HHIPL1: variants seen among roughly 807,000 people sequenced by gnomAD.
HHIPL1 encodes HHIP like 1, also known as HHIP-like protein 1.
Under a neutral mutation model 61.8 loss-of-function variants are expected in HHIPL1, and 43 were observed. That is an observed-to-expected ratio of 0.70 (90% CI 0.55 to 0.90). The LOEUF (loss-of-function observed/expected upper bound fraction) is 0.90. HHIPL1 is among the 40% of genes least tolerant of loss of function. The pLI is 0.00. For synonymous variants in HHIPL1, 482 were observed against 515.8 expected, an observed-to-expected ratio of 0.93 and a Z score of 0.89; for missense variants, 1,056 against 1,157.7, an observed-to-expected ratio of 0.91 and a Z score of 1.28.
intron 1 of HHIPL1, among the ~76,000 whole-genome samples, chr14:99,651,522 A>T (rs992447267): frequency 1.3e-5 from 2 of 152,194 alleles, no homozygotes; most frequent in African/African-American, 4.8e-5. Flanking sequence ...GCTCTACAGT[A>T]CCAAGGGGAG....
At position 99,675,451 on chromosome 14, in the gene HHIPL1, T is replaced by C. The variant is rs2056378999; in HGVS notation, c.2174T>C (p.Val725Ala). The C allele has an allele frequency of 6.5e-6, 10 of 1,539,026 alleles. No individual in the cohort carries two copies. Among genetic ancestry groups the C allele is most frequent in the Non-Finnish European group, 8.7e-6 (10 of 1,145,908 alleles). Reference protein sequence around the residue: ...QLGFAYAVRAVKRAEFGQGGS... With the variant: ...QLGFAYAVRAAKRAEFGQGGS... ...GGGTTTGCCTACGCCGTGCGCGCCG[T>C]CAAGAGAGCCGAGTTCGGCCAGGGC... The change falls in exon 9 of 9, where the codon GTC becomes GCC. Residue 725 changes from valine (V) to alanine (A), a missense_variant. Transcript: ENST00000330710. This position sits in a 1 kb window ranked among gnomAD's most constrained non-coding sequence, Gnocchi z 5.4.
intron 1 of HHIPL1, 86 bp downstream of exon 1, chr14:99,645,548 C>A: frequency 8.3e-7 from 1 of 1,210,606 alleles, no homozygotes; most frequent in Non-Finnish European, 1.0e-6. Context: ...GGGGCGAGGG[C>A]CAAGAGTGGG....
At position 99,657,012 on chromosome 14, in the gene HHIPL1, G is replaced by A. The variant is rs2056057420; in HGVS notation, c.915G>A (p.Glu305=). ...VDHSSERIIL[E]VKEPASNHNG... ...TATCTTCCTTTAGGATAATCCTGGAGGTCAAAGAACCAGCCTCAAACCACA... is the reference window on the plus strand; with the variant it reads ...TATCTTCCTTTAGGATAATCCTGGAAGTCAAAGAACCAGCCTCAAACCACA... The change falls in exon 3 of 9, where the codon GAG becomes GAA. Residue 305 remains glutamate, a synonymous_variant. Transcript: ENST00000330710. 1.2e-6 allele frequency: 2 copies of A among 1,610,662 alleles called. No individual in the cohort carries two copies. The highest frequency in any genetic ancestry group is 2.7e-5 in the African/African-American group (2 of 74,834).
chr14:99,646,382 G>A (rs1434197851), intron 1 of HHIPL1, among the ~76,000 whole-genome samples: 1 of 152,264 alleles, frequency 6.6e-6, no homozygotes, highest in Admixed American at 6.5e-5. Flanking sequence ...GGTGGTGTGG[G>A]GAAGGGCAAG....
At chr14:99,633,849 C>T in the HHIPL1 span, among the ~76,000 whole-genome samples, 1 of 152,228 alleles carries the variant, frequency 6.6e-6, no homozygotes, top group Non-Finnish European at 1.5e-5. Flanking sequence ...GGGTTTAAAA[C>T]AGGCATTCTG....
chr14:99,673,221 G>C (rs2056344490), intron 8 of HHIPL1, among the ~76,000 whole-genome samples: 1 of 152,016 alleles, frequency 6.6e-6, no homozygotes, highest in South Asian at 2.1e-4. Context: ...GAGGTACCCG[G>C]GTAGAGGGGG....
the HHIPL1 span, among the ~76,000 whole-genome samples, chr14:99,632,723 G>A: frequency 1.4e-4 from 21 of 152,116 alleles, no homozygotes; most frequent in Admixed American, 5.2e-4. Context: ...ACAGGCAAGC[G>A]TTAAGACTGA....
At chr14:99,628,581 C>CAAAAAAAA in the HHIPL1 span, among the ~76,000 whole-genome samples, 3 of 53,480 alleles carry the variant, frequency 5.6e-5, no homozygotes, top group South Asian at 1.4e-3. Flanking sequence ...AACTCCAACT[C>CAAAAAAAA]AAAAAAAAAA....
At chr14:99,623,677 G>A in the HHIPL1 span, among the ~76,000 whole-genome samples, 2 of 152,102 alleles carry the variant, frequency 1.3e-5, no homozygotes, top group African/African-American at 4.8e-5. Context: ...GCCTCCCAAA[G>A]TGCTGGGATT....
intron 6 of HHIPL1, among the ~76,000 whole-genome samples, chr14:99,664,203 C>G (rs919803949): frequency 6.6e-6 from 1 of 152,146 alleles, no homozygotes; most frequent in Non-Finnish European, 1.5e-5. Flanking sequence ...CTAGGCAACG[C>G]CCACCCAGGG....
At chr14:99,634,611 G>A in the HHIPL1 span, among the ~76,000 whole-genome samples, 1 of 152,190 alleles carries the variant, frequency 6.6e-6, no homozygotes. Flanking sequence ...GGAAGTGTTA[G>A]AATGTTTGAA....
intron 2 of HHIPL1, among the ~76,000 whole-genome samples, chr14:99,654,188 CAAAAAAAAA>C (rs754501639): frequency 1.1e-5 from 1 of 90,026 alleles, no homozygotes; most frequent in African/African-American, 5.1e-5. Context: ...GACTCTGTCT[CAAAAAAAAA>C]AAAAAAAAAA....
At chr14:99,617,074 G>A in the HHIPL1 span, among the ~76,000 whole-genome samples, 1 of 152,160 alleles carries the variant, frequency 6.6e-6, no homozygotes, top group Non-Finnish European at 1.5e-5. Context: ...AGGGCACAAC[G>A]GAGTAGATTA....
chr14:99,643,949 T>C (rs1448863133), upstream of HHIPL1, among the ~76,000 whole-genome samples: 1 of 152,220 alleles, frequency 6.6e-6, no homozygotes, highest in African/African-American at 2.4e-5. Flanking sequence ...GTTCCTACTG[T>C]TGCTGATCTC....
At chr14:99,636,222 G>A in the HHIPL1 span, among the ~76,000 whole-genome samples, 11 of 151,956 alleles carry the variant, frequency 7.2e-5, no homozygotes, top group African/African-American at 2.4e-4. Context: ...AATACTTGCC[G>A]CTGAGTCCGT....
chr14:99,674,294 G>C (rs969171404), intron 8 of HHIPL1, among the ~76,000 whole-genome samples: 9 of 152,022 alleles, frequency 5.9e-5, no homozygotes, highest in African/African-American at 2.2e-4. Flanking sequence ...GAGTAGAGCT[G>C]GGCACAGCAA....
In HHIPL1 at chr14:99,660,477, G is replaced by T. The variant is rs774067902; in HGVS notation, c.1502+71G>T. The stretch of plus-strand genomic sequence containing the variant: ...CCTTGGGACTGGCTCCTTGGTAAAG[G>T]GGAGTGTATGTGTGCGCCCGTTCCT... On this transcript the variant is annotated intron_variant, in intron 5 of 8. Coordinates refer to ENST00000330710, the MANE Select transcript of HHIPL1 (RefSeq NM_001127258.3). The surrounding 1 kb of genome is among the most constrained non-coding windows in gnomAD (Gnocchi z 4.9). 15 of 1,545,746 alleles carry T rather than the reference G, an allele frequency of 9.7e-6. No individual in the cohort carries two copies. The highest frequency in any genetic ancestry group is 6.2e-6 in the Non-Finnish European group (7 of 1,135,078).
the HHIPL1 span, among the ~76,000 whole-genome samples, chr14:99,633,898 C>T: frequency 6.6e-6 from 1 of 152,240 alleles, no homozygotes; most frequent in Non-Finnish European, 1.5e-5. Context: ...CCCCCGTGTC[C>T]GGGACAGGAT....
rs2056283768 is a variant in HHIPL1, at chr14:99,668,534, G to A, written c.1730+231G>A. Among the ~76,000 whole-genome samples, 1 of 152,150 alleles carries A rather than the reference G, an allele frequency of 6.6e-6. No homozygotes were observed. Among genetic ancestry groups the A allele is most frequent in the South Asian group, 2.1e-4 (1 of 4,836 alleles). ...TCAAAGCACAGGTCTATTAGGATAG[G>A]AGGGAGCTGGAGAGGTGACTGGGGC... On this transcript the variant is annotated intron_variant, in intron 7 of 8. Coordinates refer to ENST00000330710, the MANE Select transcript of HHIPL1 (RefSeq NM_001127258.3). This position sits in a 1 kb window ranked among gnomAD's most constrained non-coding sequence, Gnocchi z 4.7.
Sources: allele counts gnomAD v4.1 joint callset (sites outside exome capture counted in the v4.1 genomes callset), GRCh38; gene constraint gnomAD v4.1.1; non-coding constraint Gnocchi (gnomAD v3.1); transcripts MANE v1.5; gene names NCBI Gene and HGNC (gene_info 2026-07-23, HGNC 2026-07-21).